FUBP1: variants seen among roughly 807,000 people sequenced by gnomAD.
FUBP1 encodes the protein far upstream element binding protein 1.
A neutral mutation model predicts 94.9 loss-of-function variants in FUBP1; 16 were observed. The observed-to-expected ratio is 0.17, with a 90% CI of 0.11 to 0.26. FUBP1 has a LOEUF of 0.26. FUBP1 is among the 10% of genes least tolerant of loss of function. FUBP1 has a pLI of 1.00. For synonymous variants in FUBP1, 279 were observed against 254.9 expected (o/e 1.09, Z -0.90); for missense variants, 583 against 808.6 (o/e 0.72, Z 3.38).
At chr1:77,966,166 A>T (rs1030340088) in intron 7 of FUBP1, among the ~76,000 whole-genome samples, 1 of 152,246 alleles carries the variant, frequency 6.6e-6, no homozygotes, top group African/African-American at 2.4e-5. Flanking sequence ...CTATGTGAAC[A>T]GAGGAAAAAT....
At chr1:77,968,299 A>C in intron 2 of FUBP1, 96 bp from the exon 3 acceptor site, 1 of 721,118 alleles carries the variant, frequency 1.4e-6, no homozygotes, top group Non-Finnish European at 2.3e-6. Context: ...ATTTATTGAA[A>C]TATCTGAAGG....
At position 77,945,056 on chromosome 1, in the gene FUBP1, C is replaced by G. The variant is rs1651869649; in HGVS notation, c.*3710G>C. On this transcript the variant is annotated 3_prime_UTR_variant, in exon 20 of 20. Transcript: ENST00000370768. ...CAATGCATTCAAATCAACTGGCTCA[C>G]CTTTTCTGCTTTCCATTTATTTCAG... Among the ~76,000 whole-genome samples the G allele has an allele frequency of 6.6e-6, 1 of 151,964 alleles. No individual in the cohort carries two copies. Among genetic ancestry groups the G allele is most frequent in the Admixed American group, 6.6e-5 (1 of 15,252 alleles).
chr1:77,979,021 C>T lies in FUBP1; in HGVS notation c.-17G>A, dbSNP rs751491964. 1 of 1,597,004 alleles carries T rather than the reference C, an allele frequency of 6.3e-7. No homozygotes were observed. On this transcript the variant is annotated 5_prime_UTR_variant, in exon 1 of 20. Coordinates refer to ENST00000370768, the MANE Select transcript of FUBP1 (RefSeq NM_003902.5). ...GTCTGCCATGGTTGCACTATAAGAGCCGCTGCCGCCTGTTCAGAGACTTCC... is the reference window on the plus strand; with the variant it reads ...GTCTGCCATGGTTGCACTATAAGAGTCGCTGCCGCCTGTTCAGAGACTTCC...
At chr1:77,964,028 A>G (rs1024101670) in intron 12 of FUBP1, 34 bp downstream of exon 12, 4 of 1,284,212 alleles carry the variant, frequency 3.1e-6, no homozygotes, top group Non-Finnish European at 2.3e-6. Context: ...TTTCCATAAA[A>G]ACAAAAAATG....
chr1:77,964,424 T>A (rs1571306856), intron 10 of FUBP1, 68 bp from the exon 11 acceptor site: 3 of 984,430 alleles, frequency 3.0e-6, no homozygotes, highest in African/African-American at 3.3e-5. Flanking sequence ...AAAAGTATTT[T>A]AAAAAAGCGC....
At chr1:77,951,378 T>A (rs1028001125) in intron 18 of FUBP1, among the ~76,000 whole-genome samples, 1 of 152,212 alleles carries the variant, frequency 6.6e-6, no homozygotes, top group African/African-American at 2.4e-5. Context: ...TTGGTAATAT[T>A]TGACACTCCA....
In FUBP1 at chr1:77,963,590, T is replaced by C. The variant is rs769057028; in HGVS notation, c.1167A>G (p.Gly389=). 1 of 1,581,406 alleles carries C rather than the reference T, an allele frequency of 6.3e-7. No individual in the cohort carries two copies. ...FNFIVPTGKT[G]LIIGKGGETI... Reference sequence around the variant, plus strand: ...ATACATTGCCTTTTCCTATTATTAATCCAGTTTTCCCAGTTGGCACAATAA... The same window carrying C: ...ATACATTGCCTTTTCCTATTATTAACCCAGTTTTCCCAGTTGGCACAATAA... The change falls in exon 13 of 20, where the codon GGA becomes GGG. Residue 389 remains glycine (G), a synonymous_variant. Transcript: ENST00000370768.
Position 77,960,484 on chromosome 1 carries a change from A to G in FUBP1, c.1356T>C (p.Asn452=), listed in dbSNP as rs759984341. The G allele has an allele frequency of 7.5e-6, 12 of 1,600,714 alleles. No homozygotes were observed. Among genetic ancestry groups the G allele is most frequent in the South Asian group, 5.6e-5 (5 of 89,580 alleles). Residue 452 remains asparagine (N), a synonymous_variant, in exon 15 of 20, where the codon AAT becomes AAC. Coordinates refer to ENST00000370768, the MANE Select transcript of FUBP1 (RefSeq NM_003902.5). ...CATGGGGTACAGGTGGCCCTAAAGGATTTACTGGGCCCTACAAAAAAAAGG... is the reference window on the plus strand; with the variant it reads ...CATGGGGTACAGGTGGCCCTAAAGGGTTTACTGGGCCCTACAAAAAAAAGG... ...LIEEKIGGPV[N]PLGPPVPHGP...
chr1:77,947,935 G>A lies in FUBP1; in HGVS notation c.*831C>T. 1.0e-6 allele frequency: 1 copy of A among 994,252 alleles called. No homozygotes were observed. The highest frequency in any genetic ancestry group is 1.2e-6 in the Non-Finnish European group (1 of 811,398). The allele number at this position is 994,252 out of a possible 1,614,324, so 61.6% of individuals were successfully genotyped here. On this transcript the variant is annotated 3_prime_UTR_variant, in exon 20 of 20. Coordinates refer to ENST00000370768, the MANE Select transcript of FUBP1 (RefSeq NM_003902.5). ...ATACATTGAAAGAGTTGCTTCACAT[G>A]GAAAAAAACTGTTCTTATTAGACTA...
intron 19 of FUBP1, 126 bp downstream of exon 19, chr1:77,949,029 C>A: frequency 1.0e-6 from 1 of 994,098 alleles, no homozygotes; most frequent in Non-Finnish European, 1.5e-6. Flanking sequence ...CGTAGTACTT[C>A]ATTTAAATAG....
intron 1 of FUBP1, among the ~76,000 whole-genome samples, chr1:77,971,553 A>G (rs1571348354): frequency 6.6e-6 from 1 of 152,204 alleles, no homozygotes; most frequent in South Asian, 2.1e-4. Flanking sequence ...CTTAAGTCAT[A>G]AATTCAACAT....
At chr1:77,950,526 CATACAT>C (rs746140126) in intron 18 of FUBP1, among the ~76,000 whole-genome samples, 37 of 152,296 alleles carry the variant, frequency 2.4e-4, no homozygotes, top group Admixed American at 7.2e-4. Context: ...ACACAAAAAA[CATACAT>C]ATAAAGCGCA....
chr1:77,955,275 T>A lies in FUBP1; in HGVS notation c.1760A>T (p.Glu587Val). The stretch of plus-strand genomic sequence containing the variant: ...CATACCCATTTTCTTGTAGTACTCT[T>A]CCCAAGCCTTGGTATAATCAACCTG... ...AGQVDYTKAW[E>V]EYYKKMGQAV... The change falls in exon 18 of 20, where the codon GAA (glutamate) becomes GTA (valine). Residue 587 changes from glutamate (E) to valine (V), a missense_variant. Coordinates refer to ENST00000370768, the MANE Select transcript of FUBP1 (RefSeq NM_003902.5). 6.7e-7 allele frequency: 1 copy of A among 1,501,076 alleles called. No individual in the cohort carries two copies. The highest frequency in any genetic ancestry group is 9.3e-7 in the Non-Finnish European group (1 of 1,076,782). 93.0% of individuals were successfully genotyped at this position (1,501,076 alleles called of 1,614,324 possible).
At chr1:77,954,036 G>A (rs1653990821) in intron 18 of FUBP1, among the ~76,000 whole-genome samples, 5 of 152,134 alleles carry the variant, frequency 3.3e-5, no homozygotes, top group Admixed American at 3.3e-4. Flanking sequence ...ATGATGCCAA[G>A]GCTGGCCTCA....
At position 77,962,671 on chromosome 1, in the gene FUBP1, G is replaced by C. The variant is rs886073336; in HGVS notation, c.1344+99C>G. On this transcript the variant is annotated intron_variant, in intron 14 of 19. Transcript: ENST00000370768. ...TCATGAAATCTATAAATGCTGACTA[G>C]TAATGATACATTTTCCTTTGATGTA... is the stretch of plus-strand genomic sequence containing the variant. The C allele has an allele frequency of 4.6e-6, 3 of 656,418 alleles. No individual in the cohort carries two copies. The African/African-American group carries it at 5.5e-5, about 12-fold the overall frequency. 40.7% of individuals were successfully genotyped at this position (656,418 alleles called of 1,614,324 possible). A position where few individuals can be genotyped will look rare whatever the true frequency, so the allele number is the denominator to read the frequency against.
At chr1:77,967,193 T>G in intron 4 of FUBP1, 92 bp from the exon 5 acceptor site, 1 of 779,874 alleles carries the variant, frequency 1.3e-6, no homozygotes, top group East Asian at 2.7e-5. Context: ...GGAAGTCTAA[T>G]GTCTCCCAAT....
chr1:77,965,137 T>C lies in FUBP1; in HGVS notation c.568A>G (p.Ile190Val), dbSNP rs759736938. 3.1e-6 allele frequency: 5 copies of C among 1,612,760 alleles called. No homozygotes were observed. Among genetic ancestry groups the C allele is most frequent in the Admixed American group, 3.3e-5 (2 of 60,016 alleles). ...GDGPGNAVQE[I>V]MIPASKAGLV... ...CCTGCCTTGCTAGCTGGAATCATGA[T>C]TTCTTGAACTGCATTTCCCGGTCCA... The change falls in exon 8 of 20, where the codon ATC becomes GTC. Residue 190 changes from isoleucine (I) to valine (V), a missense_variant. Coordinates refer to ENST00000370768, the MANE Select transcript of FUBP1 (RefSeq NM_003902.5).
At chr1:77,951,580 G>A (rs545399641) in intron 18 of FUBP1, among the ~76,000 whole-genome samples, 1 of 152,244 alleles carries the variant, frequency 6.6e-6, no homozygotes, top group South Asian at 2.1e-4. Flanking sequence ...GTCTTGCTCT[G>A]TCACCTAGGC....
intron 2 of FUBP1, among the ~76,000 whole-genome samples, chr1:77,969,685 A>T (rs1390933077): frequency 6.6e-6 from 1 of 152,108 alleles, no homozygotes; most frequent in Non-Finnish European, 1.5e-5. Context: ...AAAGAGGGAA[A>T]ATAAATTGTT....
Sources: gnomAD v4.1 joint callset for allele counts (sites outside exome capture counted in the v4.1 genomes callset) on GRCh38, gnomAD v4.1.1 for gene constraint, MANE v1.5 for transcripts, NCBI Gene and HGNC (gene_info 2026-07-23, HGNC 2026-07-21) for gene names.